GCLC: variants seen among roughly 807,000 people sequenced by gnomAD.
GCLC encodes the protein glutamate--cysteine ligase catalytic subunit.
A neutral mutation model predicts 81.5 loss-of-function variants in GCLC; 30 were observed. That is an observed-to-expected ratio of 0.37 (90% CI 0.28 to 0.50). The LOEUF is 0.50. Among genes scored for constraint, GCLC ranks in the 20% least tolerant of loss-of-function variants. GCLC has a pLI of 0.96. For missense variants in GCLC, 556 were observed against 777.4 expected, an observed-to-expected ratio of 0.72 and a Z score of 3.39; for synonymous variants, 262 against 273.3, an observed-to-expected ratio of 0.96 and a Z score of 0.41.
chr6:53,520,705 G>A (rs530236136), intron 3 of GCLC, 73 bp downstream of exon 3: 12 of 1,222,668 alleles, frequency 9.8e-6, no homozygotes, highest in Admixed American at 3.4e-5. Context: ...TGGAATGCCC[G>A]GGTCGTGACT....
chr6:53,542,550 C>G (rs1246027328), intron 1 of GCLC, among the ~76,000 whole-genome samples: 1 of 150,906 alleles, frequency 6.6e-6, no homozygotes, highest in Admixed American at 6.6e-5. Context: ...CAGGAATACA[C>G]CAAATGGGAC....
chr6:53,531,709 C>G (rs896829220), intron 1 of GCLC, among the ~76,000 whole-genome samples: 1 of 152,220 alleles, frequency 6.6e-6, no homozygotes, highest in East Asian at 1.9e-4. Context: ...TCAAGTGCCA[C>G]TCCTTCAGAG....
rs1005075487 is a variant in GCLC at position 53,504,641 on chromosome 6, G to T, written c.1395+751C>A. On this transcript the variant is annotated intron_variant, in intron 12 of 15. Transcript: ENST00000650454. ...GGGCTGACAGCCAGATTTCCTTCAG[G>T]GGGTGTGGGGATGAGCACAGTCTGG... Among the ~76,000 whole-genome samples the T allele has an allele frequency of 1.2e-4, 19 of 152,104 alleles. No homozygotes were observed. In the East Asian group the frequency reaches 3.7e-3, roughly 29 times the overall value.
chr6:53,526,343 G>A (rs191339036), intron 1 of GCLC, among the ~76,000 whole-genome samples: 76 of 152,312 alleles, frequency 5.0e-4, no homozygotes, highest in Admixed American at 5.0e-3. Context: ...AGCAGACAGA[G>A]AAATACCTGT....
At chr6:53,540,791 G>C (rs1462144372) in intron 1 of GCLC, among the ~76,000 whole-genome samples, 1 of 151,890 alleles carries the variant, frequency 6.6e-6, no homozygotes, top group Non-Finnish European at 1.5e-5. Flanking sequence ...TCTTACAAAA[G>C]GGTGATTAGA....
intron 1 of GCLC, 115 bp downstream of exon 1, chr6:53,544,381 C>T: frequency 9.0e-7 from 1 of 1,107,520 alleles, no homozygotes; most frequent in Non-Finnish European, 1.3e-6. Context: ...TCGAGGACCC[C>T]CGGGCGCAGT....
Position 53,544,674 on chromosome 6 carries a change from TCCG to T in GCLC, c.-32_-30del. 1 of 1,570,866 alleles carries T rather than the reference TCCG, an allele frequency of 6.4e-7. No homozygotes were observed. The highest frequency in any genetic ancestry group is 8.6e-7 in the Non-Finnish European group (1 of 1,165,644). ...CGCCCCCTCCTCCTCCTCCTCCTCC[TCCG>T]GGCTGACGGCGGTCGCCCGCTCCGG... On this transcript the variant is annotated 5_prime_UTR_variant, in exon 1 of 16. Transcript: ENST00000650454.
intron 6 of GCLC, chr6:53,513,276 G>C (rs1026043892): frequency 2.6e-5 from 4 of 152,332 alleles, no homozygotes; most frequent in African/African-American, 9.7e-5. Flanking sequence ...GCGGCTCAGA[G>C]GGGTCTTACA....
intron 12 of GCLC, 68 bp downstream of exon 12, chr6:53,505,324 T>C (rs1323882612): frequency 4.0e-6 from 3 of 749,372 alleles, no homozygotes; most frequent in South Asian, 1.5e-5. Context: ...GGGAAATAAA[T>C]AGCATATATA....
At chr6:53,511,742 G>T (rs1473986161) in intron 6 of GCLC, among the ~76,000 whole-genome samples, 1 of 135,144 alleles carries the variant, frequency 7.4e-6, no homozygotes, top group East Asian at 2.7e-4. Context: ...TTCTAGTGTC[G>T]TTTTGAGGCA....
intron 3 of GCLC, among the ~76,000 whole-genome samples, chr6:53,518,904 T>C (rs1762934983): frequency 6.6e-6 from 1 of 152,190 alleles, no homozygotes; most frequent in Non-Finnish European, 1.5e-5. Flanking sequence ...CAATGACCTA[T>C]AGCAAAAGCC....
chr6:53,516,542 G>A (rs900757499), intron 3 of GCLC, among the ~76,000 whole-genome samples: 3 of 152,182 alleles, frequency 2.0e-5, no homozygotes, highest in African/African-American at 7.2e-5. Context: ...TAGCACAGAA[G>A]TCATTTCCCT....
intron 6 of GCLC, chr6:53,510,567 G>A (rs1437750271): frequency 6.6e-6 from 1 of 151,876 alleles, no homozygotes; most frequent in Non-Finnish European, 1.5e-5. Context: ...CTCCTCTGTT[G>A]TTATTCAATA....
Position 53,544,517 on chromosome 6 carries a change from G to A in GCLC, c.129C>T (p.Asp43=). The change falls in exon 1 of 16, where the codon GAC becomes GAT. Residue 43 remains aspartate (D), a synonymous_variant. Transcript: ENST00000650454. ...IYHAVKDRHK[D]VLKWGDEVEY... Reference sequence around the variant, plus strand: ...TCACCTCATCGCCCCACTTGAGAACGTCCTTGTGCCGGTCCTTGACGGCGT... The same window carrying A: ...TCACCTCATCGCCCCACTTGAGAACATCCTTGTGCCGGTCCTTGACGGCGT... 6.2e-7 allele frequency: 1 copy of A among 1,608,888 alleles called. No homozygotes were observed. Among genetic ancestry groups the A allele is most frequent in the Non-Finnish European group, 8.5e-7 (1 of 1,179,610 alleles).
At position 53,544,664 on chromosome 6, in the gene GCLC, C is replaced by CTCCTCG. The variant is rs777114542; in HGVS notation, c.-20_-19insCGAGGA. On this transcript the variant is annotated 5_prime_UTR_variant, in exon 1 of 16. Transcript: ENST00000650454. ...GCCCCATGGCCGCCCCCTCCTCCTC[C>CTCCTCG]TCCTCCTCCTCCGGGCTGACGGCGG... The CTCCTCG allele has an allele frequency of 6.3e-7, 1 of 1,582,426 alleles. No individual in the cohort carries two copies. Among genetic ancestry groups the CTCCTCG allele is most frequent in the South Asian group, 1.1e-5 (1 of 89,480 alleles).
At chr6:53,505,268 G>A (rs1214481124) in intron 12 of GCLC, 124 bp downstream of exon 12, 1 of 687,890 alleles carries the variant, frequency 1.5e-6, no homozygotes, top group Admixed American at 2.2e-5. Context: ...GGCTGATGGA[G>A]AAACATTTTA....
chr6:53,541,217 AAAAAAAAG>A (rs1200798343), intron 1 of GCLC, among the ~76,000 whole-genome samples: 5 of 139,630 alleles, frequency 3.6e-5, no homozygotes, highest in South Asian at 4.4e-4. Context: ...ACTCCGTCTC[AAAAAAAAG>A]AAAAAAAGAA....
At chr6:53,537,043 C>T (rs1361323674) in intron 1 of GCLC, among the ~76,000 whole-genome samples, 1 of 152,214 alleles carries the variant, frequency 6.6e-6, no homozygotes, top group African/African-American at 2.4e-5. Flanking sequence ...TGCACAATAA[C>T]CTTCACATAC....
chr6:53,502,115 T>A (rs1261688778), intron 12 of GCLC, among the ~76,000 whole-genome samples: 1 of 152,230 alleles, frequency 6.6e-6, no homozygotes, highest in Non-Finnish European at 1.5e-5. Flanking sequence ...TTATGTCTAC[T>A]TTTGAGAAGT....
Sources: gnomAD v4.1 joint callset for allele counts (sites outside exome capture counted in the v4.1 genomes callset) on GRCh38, gnomAD v4.1.1 for gene constraint, MANE v1.5 for transcripts, NCBI Gene and HGNC (gene_info 2026-07-23, HGNC 2026-07-21) for gene names.